The following OTOGL variants were observed in gnomAD, a reference collection of about 807,000 sequenced individuals.
The protein encoded by OTOGL is otogelin-like protein.
Under a neutral mutation model 318.5 loss-of-function variants are expected in OTOGL, and 285 were observed. That is an observed-to-expected ratio of 0.89 (90% CI 0.81 to 0.99). The LOEUF (loss-of-function observed/expected upper bound fraction) is 0.99. Among genes scored for constraint, OTOGL ranks in the 50% least tolerant of loss-of-function variants. The probability of loss-of-function intolerance (pLI) is 0.00; values close to 1 mark genes in which losing one functional copy is unlikely to be tolerated. For missense variants in OTOGL, 2,899 were observed against 2,845.6 expected (o/e 1.02, Z -0.43); for synonymous variants, 987 against 936.5 (o/e 1.05, Z -0.99).
chr12:80,125,133 C>T (rs1248154048), intron 1 of OTOGL, among the ~76,000 whole-genome samples: 1 of 152,350 alleles, frequency 6.6e-6, no homozygotes, highest in East Asian at 1.9e-4. Context: ...AAAGGGAATG[C>T]TTCCAGGTTC....
chr12:80,158,923 G>A (rs989120751), intron 1 of OTOGL, among the ~76,000 whole-genome samples: 1 of 152,096 alleles, frequency 6.6e-6, no homozygotes, highest in Non-Finnish European at 1.5e-5. Flanking sequence ...TTCTCAGAGG[G>A]AATGCTTTAA....
At chr12:80,360,639 G>A (rs1890186495) in intron 52 of OTOGL, among the ~76,000 whole-genome samples, 1 of 151,598 alleles carries the variant, frequency 6.6e-6, no homozygotes, top group Non-Finnish European at 1.5e-5. Context: ...GTGCCACCAC[G>A]CCCAGCTAAT....
In OTOGL at chr12:80,229,297, GT is replaced by G; in HGVS notation, c.532del (p.Tyr178IlefsTer21). On this transcript the variant is annotated frameshift_variant, in exon 8 of 59. Coordinates refer to ENST00000547103, the MANE Select transcript of OTOGL (RefSeq NM_001378609.3). LOFTEE classifies it high-confidence loss of function. ...SPKCLGSVYS[C>X]YRSISLFFSN... is the part of the protein sequence containing the mutation. ...AAATGCCTTGGTTCGGTGTATTCTTGTTATCGGTCAATCAGCTTGTTCTTTT... is the reference window on the plus strand; with the variant it reads ...AAATGCCTTGGTTCGGTGTATTCTTGTATCGGTCAATCAGCTTGTTCTTTT... 1 of 1,597,088 alleles carries G rather than the reference GT, an allele frequency of 6.3e-7. No homozygotes were observed. Among genetic ancestry groups the G allele is most frequent in the Non-Finnish European group, 8.5e-7 (1 of 1,177,770 alleles).
In OTOGL at chr12:80,103,946, AG is replaced by A. The variant is rs139581285; in HGVS notation, c.-20+4345del. On this transcript the variant is annotated intron_variant, in intron 1 of 58. Coordinates refer to ENST00000547103, the MANE Select transcript of OTOGL (RefSeq NM_001378609.3). Reference sequence around the variant, plus strand: ...AAAATGTGATTGATCTTTTGTGGCCAGGGGTCAAAATATAATTTATTTCATA... The same window carrying A: ...AAAATGTGATTGATCTTTTGTGGCCAGGGTCAAAATATAATTTATTTCATA... 6.8e-3 allele frequency among the ~76,000 whole-genome samples: 1,036 copies of A among 152,324 alleles called. 16 individuals are homozygous for A. The highest frequency in any genetic ancestry group is 0.022 in the African/African-American group (920 of 41,578).
chr12:80,194,641 A>G (rs916229852), intron 1 of OTOGL, among the ~76,000 whole-genome samples: 3 of 152,250 alleles, frequency 2.0e-5, no homozygotes, highest in Non-Finnish European at 4.4e-5. Context: ...CTAAATGAGA[A>G]AAAGTTTTCC....
chr12:80,221,194 G>C (rs990684468), intron 6 of OTOGL, among the ~76,000 whole-genome samples: 1 of 151,612 alleles, frequency 6.6e-6, no homozygotes, highest in Non-Finnish European at 1.5e-5. Flanking sequence ...AGGAGATACA[G>C]TTGCATGATT....
At chr12:80,308,608 A>C (rs1272492961) in intron 29 of OTOGL, among the ~76,000 whole-genome samples, 2 of 152,160 alleles carry the variant, frequency 1.3e-5, no homozygotes, top group Non-Finnish European at 2.9e-5. Context: ...TGGGAGGCCA[A>C]GGCAGGCTGC....
chr12:80,163,827 G>A (rs182019564), intron 1 of OTOGL, among the ~76,000 whole-genome samples: 1 of 152,244 alleles, frequency 6.6e-6, no homozygotes, highest in African/African-American at 2.4e-5. Flanking sequence ...CAAGCTTTTA[G>A]TTATGCTATG....
At chr12:80,330,861 A>G (rs1413768974) in intron 37 of OTOGL, among the ~76,000 whole-genome samples, 1 of 152,252 alleles carries the variant, frequency 6.6e-6, no homozygotes, top group Non-Finnish European at 1.5e-5. Context: ...TGAAATAAAG[A>G]AAACAATTGC....
At chr12:80,252,931 C>T (rs1343143379) in intron 13 of OTOGL, among the ~76,000 whole-genome samples, 1 of 152,172 alleles carries the variant, frequency 6.6e-6, no homozygotes, top group Non-Finnish European at 1.5e-5. Flanking sequence ...GTGCTTTCTC[C>T]TACAGTCTTA....
At chr12:80,318,394 T>A (rs1037463200) in intron 32 of OTOGL, among the ~76,000 whole-genome samples, 152 bp from the exon 33 acceptor site, 3 of 152,202 alleles carry the variant, frequency 2.0e-5, no homozygotes, top group Non-Finnish European at 4.4e-5. Context: ...TATAAATCAT[T>A]ATTTTTGAAG....
At chr12:80,249,828 G>A (rs1462408710) in intron 11 of OTOGL, among the ~76,000 whole-genome samples, 2 of 152,120 alleles carry the variant, frequency 1.3e-5, no homozygotes, top group African/African-American at 4.8e-5. Context: ...CTCCGTGGGC[G>A]TAGGACCCTC....
At chr12:80,279,482 A>G (rs1443036436) in intron 26 of OTOGL, among the ~76,000 whole-genome samples, 1 of 151,392 alleles carries the variant, frequency 6.6e-6, no homozygotes, top group Non-Finnish European at 1.5e-5. Context: ...AATGTCTATT[A>G]TTCCCCTCTT....
At chr12:80,140,856 T>C (rs887769182) in intron 1 of OTOGL, among the ~76,000 whole-genome samples, 3 of 152,190 alleles carry the variant, frequency 2.0e-5, no homozygotes, top group African/African-American at 7.2e-5. Context: ...TTTGTAAATA[T>C]ATACGGACAT....
intron 5 of OTOGL, among the ~76,000 whole-genome samples, chr12:80,218,980 G>C (rs1261576356): frequency 6.6e-6 from 1 of 151,508 alleles, no homozygotes; most frequent in African/African-American, 2.4e-5. Flanking sequence ...CAAAGAATGT[G>C]TCATTTGTAA....
At chr12:80,137,373 A>G (rs544356689) in intron 1 of OTOGL, among the ~76,000 whole-genome samples, 1 of 152,172 alleles carries the variant, frequency 6.6e-6, no homozygotes, top group Non-Finnish European at 1.5e-5. Flanking sequence ...TCTGTTTACA[A>G]TAAAAGACAT....
intron 23 of OTOGL, among the ~76,000 whole-genome samples, chr12:80,271,364 G>A (rs938649844): frequency 2.0e-5 from 3 of 152,020 alleles, no homozygotes; most frequent in Non-Finnish European, 2.9e-5. Flanking sequence ...TAGAATAATC[G>A]TGTGTTCATT....
intron 11 of OTOGL, among the ~76,000 whole-genome samples, chr12:80,242,895 G>A (rs1216841624): frequency 6.6e-6 from 1 of 152,068 alleles, no homozygotes; most frequent in Non-Finnish European, 1.5e-5. Flanking sequence ...CATTTGACTT[G>A]GAACTTGTGT....
Position 80,302,712 on chromosome 12 carries a change from C to A in OTOGL, c.3142C>A (p.Pro1048Thr), listed in dbSNP as rs2137737646. Reference protein sequence around the residue: ...KAGYYIVVYFPEKDITILWDR... With the variant: ...KAGYYIVVYFTEKDITILWDR... ...TGGTTACTATATAGTAGTATACTTT[C>A]CAGAGAAAGATATCACTATTCTTTG... Residue 1048 changes from proline to threonine, a missense_variant, in exon 28 of 59, where the codon CCA (proline) becomes ACA (threonine). This residue lies in a region of OTOGL where 2,607 missense variants were observed against 2,524.9 expected (regional missense o/e 1.03). Transcript: ENST00000547103. The A allele has an allele frequency of 1.3e-6, 2 of 1,536,482 alleles. No homozygotes were observed. The highest frequency in any genetic ancestry group is 1.7e-6 in the Non-Finnish European group (2 of 1,145,756).
Sources: allele counts gnomAD v4.1 joint callset (sites outside exome capture counted in the v4.1 genomes callset), GRCh38; gene constraint gnomAD v4.1.1; regional missense constraint gnomAD v4.1.1; transcripts MANE v1.5; gene names NCBI Gene and HGNC (gene_info 2026-07-23, HGNC 2026-07-21).